The following BCLAF1 variants were observed in gnomAD, a reference collection of about 807,000 sequenced individuals.
The protein encoded by BCLAF1 is BCL2 associated transcription factor 1.
Under a neutral mutation model 99.5 loss-of-function variants are expected in BCLAF1, and 10 were observed. That is an observed-to-expected ratio of 0.10 (90% CI 0.06 to 0.17). The LOEUF (loss-of-function observed/expected upper bound fraction) is 0.17. BCLAF1 is among the 10% of genes least tolerant of loss of function. BCLAF1 has a pLI of 1.00. For synonymous variants in BCLAF1, 255 were observed against 370.9 expected, an observed-to-expected ratio of 0.69 and a Z score of 3.59; for missense variants, 636 against 1,105.8, an observed-to-expected ratio of 0.58 and a Z score of 6.02.
Position 136,277,765 on chromosome 6 carries a change from G to A in BCLAF1, c.1016+100C>T, listed in dbSNP as rs539397041. 4.6e-5 allele frequency: 59 copies of A among 1,283,130 alleles called. No homozygotes were observed. In the East Asian group the frequency reaches 1.0e-3, roughly 22 times the overall value. 79.5% of individuals were successfully genotyped at this position (1,283,130 alleles called of 1,614,324 possible). On this transcript the variant is annotated intron_variant, in intron 4 of 12. Transcript: ENST00000531224. ...ATGAAGGAAGTCAAGAGTAAAAACC[G>A]CTAGTTAAATACATATCACAATTTT... is the stretch of plus-strand genomic sequence containing the variant.
chr6:136,288,725 G>A (rs992884886), intron 1 of BCLAF1, among the ~76,000 whole-genome samples: 2 of 152,168 alleles, frequency 1.3e-5, no homozygotes, highest in African/African-American at 2.4e-5. Context: ...TGATTCTGAA[G>A]AAATAAATCT....
rs776692234 is a variant in BCLAF1 at position 136,258,667 on chromosome 6, T to A, written c.*2443A>T. ...CATTATACATCACACTGAGTAAGAATCGTTTAGCCATCTACATTCAATGTT... is the reference window on the plus strand; with the variant it reads ...CATTATACATCACACTGAGTAAGAAACGTTTAGCCATCTACATTCAATGTT... On this transcript the variant is annotated 3_prime_UTR_variant, in exon 13 of 13. Coordinates refer to ENST00000531224, the MANE Select transcript of BCLAF1 (RefSeq NM_014739.3). 6.6e-6 allele frequency: 1 copy of A among 152,528 alleles called. No homozygotes were observed. The highest frequency in any genetic ancestry group is 1.5e-5 in the Non-Finnish European group (1 of 67,944). 9.4% of individuals were successfully genotyped at this position (152,528 alleles called of 1,614,324 possible).
rs769553169 is a variant in BCLAF1 at position 136,276,404 on chromosome 6, T to C, written c.1121A>G (p.Glu374Gly). ...KGSEKGRAEGEWEDQEALDYF... is the reference protein window; with the variant it reads ...KGSEKGRAEGGWEDQEALDYF... ...ATCTAGAGCTTCCTGATCTTCCCAT[T>C]CTCCCTCTGCCCTCCCTTTCTCTGA... The change falls in exon 5 of 13, where the codon GAA becomes GGA. Residue 374 changes from glutamate to glycine, a missense_variant. Transcript: ENST00000531224. 6.4e-7 allele frequency: 1 copy of C among 1,570,608 alleles called. No individual in the cohort carries two copies. The highest frequency in any genetic ancestry group is 8.6e-7 in the Non-Finnish European group (1 of 1,166,080).
chr6:136,268,040 ATC>A, intron 10 of BCLAF1, 120 bp downstream of exon 10: 1 of 984,098 alleles, frequency 1.0e-6, no homozygotes, highest in East Asian at 2.7e-5. Flanking sequence ...TTTCAATACT[ATC>A]TCTGACTTTA....
chr6:136,277,884 T>A lies in BCLAF1; in HGVS notation c.997A>T (p.Thr333Ser). ...TTTTACCTTTTTAAGAACTTCCCAG[T>A]CTTTGCAGTTTCCTGATCTCCACCA... ...PDGGDQETAK[T>S]GKFLKRFTDE... is the part of the protein sequence containing the mutation. Residue 333 changes from threonine (T) to serine (S), a missense_variant, in exon 4 of 13, where the codon ACT (threonine) becomes TCT (serine). Physicochemically the swap from Thr to Ser is moderately conservative, Grantham distance 58. This residue lies in a region of BCLAF1 where 186 missense variants were observed against 275.3 expected (regional missense o/e 0.68). Transcript: ENST00000531224. 6.2e-7 allele frequency: 1 copy of A among 1,604,206 alleles called. No individual in the cohort carries two copies.
At chr6:136,263,962 A>C (rs1386690237) in intron 11 of BCLAF1, among the ~76,000 whole-genome samples, 1 of 152,198 alleles carries the variant, frequency 6.6e-6, no homozygotes, top group East Asian at 1.9e-4. Context: ...ATTGGACAAC[A>C]AATAGTACAA....
In BCLAF1 at chr6:136,282,620, C is replaced by CT. The variant is rs919903183; in HGVS notation, c.-48dup. On this transcript the variant is annotated 5_prime_UTR_variant, in exon 2 of 13. Transcript: ENST00000531224. ...GCAGGATCAAGAAGTCAAGTGAAGT[C>CT]TTTGAGATACTGTAAAAATTCTTCC... 3 of 152,196 alleles carry CT rather than the reference C, an allele frequency of 2.0e-5. No individual in the cohort carries two copies. Among genetic ancestry groups the CT allele is most frequent in the East Asian group, 1.9e-4 (1 of 5,170 alleles). 9.4% of individuals were successfully genotyped at this position (152,196 alleles called of 1,614,324 possible).
At chr6:136,269,032 C>T (rs925146857) in intron 9 of BCLAF1, 2 of 794,152 alleles carry the variant, frequency 2.5e-6, no homozygotes, top group Non-Finnish European at 3.2e-6. Flanking sequence ...CCTTCCTCCC[C>T]CCCATCTCTC....
intron 4 of BCLAF1, among the ~76,000 whole-genome samples, chr6:136,277,576 A>G (rs1469418654): frequency 2.0e-5 from 3 of 152,130 alleles, no homozygotes; most frequent in Admixed American, 2.0e-4. Flanking sequence ...CCCAGGCTGG[A>G]GTGCAGTAGG....
chr6:136,276,043 A>C lies in BCLAF1; in HGVS notation c.1482T>G (p.Thr494=), dbSNP rs566817028. ...CAGACTTTACCTGCTCAGGTGACTG[A>C]GTTTCTTTCTTTACTGTTATTCTTT... ...NSERITVKKE[T]QSPEQVKSEK... Residue 494 remains threonine (T), a synonymous_variant, in exon 5 of 13, where the codon ACT becomes ACG. Coordinates refer to ENST00000531224, the MANE Select transcript of BCLAF1 (RefSeq NM_014739.3). The C allele has an allele frequency of 2.5e-6, 4 of 1,605,036 alleles. No individual in the cohort carries two copies. The African/African-American group carries it at 5.4e-5, about 22-fold the overall frequency.
At chr6:136,273,479 C>A in intron 6 of BCLAF1, 1 of 254,138 alleles carries the variant, frequency 3.9e-6, no homozygotes. Context: ...TTCCTCAGAA[C>A]AAAAAGGAAC....
chr6:136,259,722 T>G lies in BCLAF1; in HGVS notation c.*1388A>C, dbSNP rs907238726. ...TGCAAATCCTCGAAAGTGTTTAAGA[T>G]GAAAGAGCAATACACTTAAGATCTT... is the stretch of plus-strand genomic sequence containing the variant. On this transcript the variant is annotated 3_prime_UTR_variant, in exon 13 of 13. Transcript: ENST00000531224. The G allele has an allele frequency of 6.6e-6, 1 of 152,012 alleles. No homozygotes were observed. The highest frequency in any genetic ancestry group is 2.4e-5 in the African/African-American group (1 of 41,418). The allele number at this position is 152,012 out of a possible 1,614,324, so 9.4% of individuals were successfully genotyped here. A position where few individuals can be genotyped will look rare whatever the true frequency, so the allele number is the denominator to read the frequency against.
Position 136,258,407 on chromosome 6 carries a change from AAAACAAAAACAAAAAC to A in BCLAF1, c.*2687_*2702del, listed in dbSNP as rs1780591980. The A allele has an allele frequency of 1.3e-5, 2 of 151,970 alleles. No individual in the cohort carries two copies. Among genetic ancestry groups the A allele is most frequent in the Non-Finnish European group, 1.5e-5 (1 of 67,890 alleles). 9.4% of individuals were successfully genotyped at this position (151,970 alleles called of 1,614,324 possible). A position where few individuals can be genotyped will look rare whatever the true frequency, so the allele number is the denominator to read the frequency against. On this transcript the variant is annotated 3_prime_UTR_variant, in exon 13 of 13. Coordinates refer to ENST00000531224, the MANE Select transcript of BCLAF1 (RefSeq NM_014739.3). ...AAAAACAAAAACAAAAACAAAAACA[AAAACAAAAACAAAAAC>A]AAGACAAAACAAAAAAACAGTAAAG...
chr6:136,261,928 G>A (rs911726344), intron 11 of BCLAF1, among the ~76,000 whole-genome samples: 4 of 151,940 alleles, frequency 2.6e-5, no homozygotes, highest in South Asian at 2.1e-4. Context: ...AATGAAACTG[G>A]TGGTATGAAT....
chr6:136,260,017 G>GA lies in BCLAF1; in HGVS notation c.*1092dup. ...CAAAAACTGCAACTGAAATGGGGGGGAAAAAGGTTAGATCAATGCCGCAAC... is the reference window on the plus strand; with the variant it reads ...CAAAAACTGCAACTGAAATGGGGGGGAAAAAAGGTTAGATCAATGCCGCAAC... On this transcript the variant is annotated 3_prime_UTR_variant, in exon 13 of 13. Coordinates refer to ENST00000531224, the MANE Select transcript of BCLAF1 (RefSeq NM_014739.3). 1 of 151,940 alleles carries GA rather than the reference G, an allele frequency of 6.6e-6. No individual in the cohort carries two copies. The highest frequency in any genetic ancestry group is 2.4e-5 in the African/African-American group (1 of 41,412). The allele number at this position is 151,940 out of a possible 1,614,324, so 9.4% of individuals were successfully genotyped here. A position where few individuals can be genotyped will look rare whatever the true frequency, so the allele number is the denominator to read the frequency against.
At position 136,259,620 on chromosome 6, in the gene BCLAF1, T is replaced by C. The variant is rs953774935; in HGVS notation, c.*1490A>G. On this transcript the variant is annotated 3_prime_UTR_variant, in exon 13 of 13. Coordinates refer to ENST00000531224, the MANE Select transcript of BCLAF1 (RefSeq NM_014739.3). ...ATCTGAGGGCCATAAACATCACATA[T>C]GTTGAGTTTGCTTTTAGTTTTGTTT... 1 of 152,048 alleles carries C rather than the reference T, an allele frequency of 6.6e-6. No individual in the cohort carries two copies. The highest frequency in any genetic ancestry group is 2.4e-5 in the African/African-American group (1 of 41,448). The allele number at this position is 152,048 out of a possible 1,614,324, so 9.4% of individuals were successfully genotyped here. A position where few individuals can be genotyped will look rare whatever the true frequency, so the allele number is the denominator to read the frequency against.
intron 3 of BCLAF1, among the ~76,000 whole-genome samples, chr6:136,278,995 A>ACACACACACG (rs1783984066): frequency 8.8e-4 from 1 of 1,140 alleles, no homozygotes; most frequent in Non-Finnish European, 1.9e-3. Flanking sequence ...AAGGCACAAA[A>ACACACACACG]CACACACACA....
At chr6:136,265,409 C>G (rs1781580980) in intron 11 of BCLAF1, among the ~76,000 whole-genome samples, 1 of 152,136 alleles carries the variant, frequency 6.6e-6, no homozygotes, top group East Asian at 1.9e-4. Context: ...CTCTCACTAC[C>G]AACTCCCTGA....
rs929468994 is a variant in BCLAF1, at chr6:136,271,986, A to G, written c.2043+9T>C. 3 of 1,587,266 alleles carry G rather than the reference A, an allele frequency of 1.9e-6. No individual in the cohort carries two copies. The highest frequency in any genetic ancestry group is 1.7e-4 in the Middle Eastern group (1 of 6,008). On this transcript the variant is annotated intron_variant, in intron 8 of 12. Coordinates refer to ENST00000531224, the MANE Select transcript of BCLAF1 (RefSeq NM_014739.3). The stretch of plus-strand genomic sequence containing the variant: ...TTAACACGAAAAAAAATTACATTCA[A>G]AAACATACCTTTTGATTTTCTTCTT...
Sources: gnomAD v4.1 joint callset for allele counts (sites outside exome capture counted in the v4.1 genomes callset) on GRCh38, gnomAD v4.1.1 for gene constraint, gnomAD v4.1.1 regional missense constraint, MANE v1.5 for transcripts, NCBI Gene and HGNC (gene_info 2026-07-23, HGNC 2026-07-21) for gene names.